Variants in PRB4 observed in about 807,000 individuals in gnomAD.
PRB4 encodes basic salivary proline-rich protein 4.
Under a neutral mutation model 9.1 loss-of-function variants are expected in PRB4, and 14 were observed. That is an observed-to-expected ratio of 1.54 (90% CI 1.02 to 2.41). The LOEUF (loss-of-function observed/expected upper bound fraction) is 2.41, where lower values mean the gene tolerates loss of function less well. PRB4 is among the 30% of genes most tolerant of loss of function. The pLI, the probability that PRB4 is intolerant of heterozygous loss-of-function variation, is 0.00. For synonymous variants in PRB4, 102 were observed against 108.5 expected, an observed-to-expected ratio of 0.94 and a Z score of 0.37; for missense variants, 381 against 299.3, an observed-to-expected ratio of 1.27 and a Z score of -2.02.
Position 11,308,299 on chromosome 12 carries a change from A to T in PRB4, c.684T>A (p.Pro228=). The change falls in exon 3 of 4, where the codon CCT becomes CCA. Residue 228 remains proline, a synonymous_variant. Transcript: ENST00000279575. ...APPAGKPQGP[P]PPPQGGRPPR... ...GTGGCCTGCCCCCTTGAGGAGGTGG[A>T]GGTGGCCCCTGGGGCTTTCCAGCAG... 1.2e-6 allele frequency: 2 copies of T among 1,609,508 alleles called. No homozygotes were observed. Among genetic ancestry groups the T allele is most frequent in the Admixed American group, 3.4e-5 (2 of 59,564 alleles).
Position 11,308,586 on chromosome 12 carries a change from G to A in PRB4, c.397C>T (p.Arg133Cys), listed in dbSNP as rs12369219. The A allele has an allele frequency of 9.0e-7, 1 of 1,110,862 alleles. No individual in the cohort carries two copies. The highest frequency in any genetic ancestry group is 1.1e-6 in the Non-Finnish European group (1 of 883,594). The allele number at this position is 1,110,862 out of a possible 1,614,324, so 68.8% of individuals were successfully genotyped here. A position where few individuals can be genotyped will look rare whatever the true frequency, so the allele number is the denominator to read the frequency against. Residue 133 changes from arginine to cysteine, a missense_variant, in exon 3 of 4, where the codon CGT becomes TGT. Arg to Cys is a radical substitution (Grantham distance 180). Around this residue, in one of 3 missense-constraint regions of PRB4, gnomAD observed 26 missense variants for 59.1 expected, o/e 0.44. Coordinates refer to ENST00000279575, the MANE Select transcript of PRB4 (RefSeq NM_002723.6). ...PPPQGGNQSH[R>C]PPPPPGKPER... Reference sequence around the variant, plus strand: ...GGCTTTCCTGGAGGAGGTGGGGGACGGTGGGACTGGTTGCCTCCTTGTGGG... The same window carrying A: ...GGCTTTCCTGGAGGAGGTGGGGGACAGTGGGACTGGTTGCCTCCTTGTGGG...
intron 3 of PRB4, 89 bp downstream of exon 3, chr12:11,308,132 G>T: frequency 6.9e-7 from 1 of 1,443,752 alleles, no homozygotes; most frequent in Non-Finnish European, 9.5e-7. Context: ...ACAATACAAT[G>T]TCAATGGGTT....
In PRB4 at chr12:11,308,991, CT is replaced by C. The variant is rs1565780448; in HGVS notation, c.101-110del. ...AAAAATGAGACCCAGATACTAATTT[CT>C]TTGCATTTTCAGTGAAGCCCTAGAA... is the stretch of plus-strand genomic sequence containing the variant. On this transcript the variant is annotated intron_variant, in intron 2 of 3. Transcript: ENST00000279575. The C allele has an allele frequency of 2.1e-5, 31 of 1,494,238 alleles. No individual in the cohort carries two copies. In the South Asian group the frequency reaches 3.1e-4, roughly 15 times the overall value. The allele number at this position is 1,494,238 out of a possible 1,614,324, so 92.6% of individuals were successfully genotyped here. A position where few individuals can be genotyped will look rare whatever the true frequency, so the allele number is the denominator to read the frequency against.
rs1592188771 is a variant in PRB4 at position 11,308,512 on chromosome 12, A to G, written c.471T>C (p.Pro157=). The G allele has an allele frequency of 1.3e-6, 2 of 1,585,644 alleles. No homozygotes were observed. The highest frequency in any genetic ancestry group is 1.4e-5 in the African/African-American group (1 of 69,638). ...QGGNQSQGPP[P]HPGKPEGPPP... ...GTGGTCCTTCTGGCTTTCCTGGATG[A>G]GGTGGGGGACCTTGGGACTGGTTAC... Residue 157 remains proline (P), a synonymous_variant, in exon 3 of 4, where the codon CCT becomes CCC. Coordinates refer to ENST00000279575, the MANE Select transcript of PRB4 (RefSeq NM_002723.6).
intron 3 of PRB4, 83 bp downstream of exon 3, chr12:11,308,138 G>A: frequency 6.9e-7 from 1 of 1,458,918 alleles, no homozygotes; most frequent in Non-Finnish European, 9.4e-7. Flanking sequence ...CAATGTCAAT[G>A]GGTTTTAGTT....
chr12:11,307,297 C>T (rs1427751), intron 3 of PRB4, 98 bp from the exon 4 acceptor site: 119,275 of 152,624 alleles, frequency 0.78, 47,088 homozygotes, highest in Non-Finnish European at 0.83. Context: ...AGAGAAAAGA[C>T]CATCCTTAGG....
rs151236237 is a variant in PRB4 at position 11,308,852 on chromosome 12, C to G, written c.131G>C (p.Gly44Ala). Residue 44 changes from glycine (G) to alanine (A), a missense_variant, in exon 3 of 4, where the codon GGA becomes GCA. Coordinates refer to ENST00000279575, the MANE Select transcript of PRB4 (RefSeq NM_002723.6). ...AGGTGGGGGACGTTGGGGCTGGTTT[C>G]CTCCTTGTGGGCGTCGTCCTTCTGG... ...GKPEGRRPQG[G>A]NQPQRPPPPP... is the part of the protein sequence containing the mutation. 2.4e-4 allele frequency: 379 copies of G among 1,592,530 alleles called. 2 individuals are homozygous for G. The African/African-American group carries it at 4.7e-3, about 20-fold the overall frequency.
intron 1 of PRB4, 138 bp from the exon 2 acceptor site, chr12:11,309,543 G>C (rs1293466861): frequency 1.5e-5 from 23 of 1,527,150 alleles, no homozygotes; most frequent in East Asian, 1.4e-4. Flanking sequence ...ATCTGTGAAG[G>C]TGCTGGAAGG....
At chr12:11,309,346 G>T (rs759256627) in intron 2 of PRB4, 24 bp downstream of exon 2, 7 of 1,613,990 alleles carry the variant, frequency 4.3e-6, no homozygotes, top group African/African-American at 1.3e-5. Context: ...AGTCAAAACA[G>T]ATTGAGAATG....
chr12:11,310,144 T>C (rs1863018996), intron 1 of PRB4, among the ~76,000 whole-genome samples, 191 bp downstream of exon 1: 1 of 152,252 alleles, frequency 6.6e-6, no homozygotes, highest in African/African-American at 2.4e-5. Context: ...AAATTCGTTA[T>C]TGGATTTCAT....
chr12:11,308,977 C>T (rs1472258418), intron 2 of PRB4, 95 bp from the exon 3 acceptor site: 3 of 1,525,176 alleles, frequency 2.0e-6, no homozygotes, highest in African/African-American at 2.7e-5. Context: ...AAAATGAGAC[C>T]CAGATACTAA....
In PRB4 at chr12:11,309,362, G is replaced by A. The variant is rs987102909; in HGVS notation, c.100+8C>T. On this transcript the variant is annotated splice_region_variant and intron_variant, in intron 2 of 3. Transcript: ENST00000279575. The stretch of plus-strand genomic sequence containing the variant: ...GTCAAAACAGATTGAGAATGAATTG[G>A]GATTTACCTGATATTAGGAAGAGAG... 2.5e-6 allele frequency: 4 copies of A among 1,613,984 alleles called. No individual in the cohort carries two copies. In the Admixed American group the frequency reaches 5.0e-5, roughly 20 times the overall value.
At position 11,309,388 on chromosome 12, in the gene PRB4, A is replaced by G; in HGVS notation, c.82T>C (p.Ser28Pro). The change falls in exon 2 of 4, where the codon TCT (serine) becomes CCT (proline). Residue 28 changes from serine to proline, a missense_variant. Physicochemically the swap from Ser to Pro is moderately conservative, Grantham distance 74 (BLOSUM62 -1). Transcript: ENST00000279575. Reference protein sequence around the residue: ...SSSEDVSQEESLFLISGKPEG... With the variant: ...SSSEDVSQEEPLFLISGKPEG... ...GATTTACCTGATATTAGGAAGAGAG[A>G]TTCTTCCTGGCTGACATCTAGAAGA... is the stretch of plus-strand genomic sequence containing the variant. The G allele has an allele frequency of 1.2e-6, 2 of 1,614,146 alleles. No individual in the cohort carries two copies. The highest frequency in any genetic ancestry group is 1.3e-5 in the African/African-American group (1 of 75,044).
At chr12:11,310,299 A>T (rs778199290) in intron 1 of PRB4, 36 bp downstream of exon 1, 1 of 1,612,908 alleles carries the variant, frequency 6.2e-7, no homozygotes, top group Non-Finnish European at 8.5e-7. Context: ...CCTAAGTCCC[A>T]AGCAGTCACC....
intron 3 of PRB4, 64 bp downstream of exon 3, chr12:11,308,157 G>T (rs978350293): frequency 1.3e-5 from 20 of 1,524,032 alleles, no homozygotes; most frequent in Non-Finnish European, 1.7e-5. Context: ...TTGATTCATT[G>T]GCACAATAAA....
rs1398322084 is a variant in PRB4, at chr12:11,308,387, G to A, written c.596C>T (p.Pro199Leu). Residue 199 changes from proline to leucine, a missense_variant, in exon 3 of 4, where the codon CCT (proline) becomes CTT (leucine). Pro to Leu is a moderately conservative substitution (Grantham distance 98). This residue lies in a region of PRB4 where 204 missense variants were observed against 134.4 expected (regional missense o/e 1.52). Transcript: ENST00000279575. Reference sequence around the variant, plus strand: ...GGGTGGGCCTTGTGGCTTTCCAGGAGGTGGGGGACCTTGAGGCTTGTTGCC... The same window carrying A: ...GGGTGGGCCTTGTGGCTTTCCAGGAAGTGGGGGACCTTGAGGCTTGTTGCC... ...QEGNKPQGPPPPGKPQGPPPA... is the reference protein window; with the variant it reads ...QEGNKPQGPPLPGKPQGPPPA... 4 of 1,603,450 alleles carry A rather than the reference G, an allele frequency of 2.5e-6. No individual in the cohort carries two copies. Among genetic ancestry groups the A allele is most frequent in the African/African-American group, 1.3e-5 (1 of 74,668 alleles).
rs146939904 is a variant in PRB4, at chr12:11,308,368, G to A, written c.615C>T (p.Gly205=). The A allele has an allele frequency of 6.8e-6, 11 of 1,606,240 alleles. No individual in the cohort carries two copies. Among genetic ancestry groups the A allele is most frequent in the Admixed American group, 1.7e-5 (1 of 59,702 alleles). ...QGPPPPGKPQ[G]PPPAGGNPQQ... is the part of the protein sequence containing the mutation. The stretch of plus-strand genomic sequence containing the variant: ...GGGGATTGCCTCCTGCTGGGGGTGG[G>A]CCTTGTGGCTTTCCAGGAGGTGGGG... The change falls in exon 3 of 4, where the codon GGC becomes GGT. Residue 205 remains glycine (G), a synonymous_variant. Transcript: ENST00000279575.
chr12:11,308,121 G>T, intron 3 of PRB4, 100 bp downstream of exon 3: 3 of 1,384,734 alleles, frequency 2.2e-6, no homozygotes, highest in African/African-American at 1.4e-5. Flanking sequence ...TGGGTTCTAG[G>T]ACAATACAAT....
Position 11,309,728 on chromosome 12 carries a change from C to T in PRB4, c.65-323G>A, listed in dbSNP as rs143086376. Among the ~76,000 whole-genome samples, 43 of 152,316 alleles carry T rather than the reference C, an allele frequency of 2.8e-4. 1 individual carries two copies. In the East Asian group the frequency reaches 7.3e-3, roughly 26 times the overall value. ...TTTGGTGTTCTTATGCCCTCCATCTCCTGTTAATATATTGCATACATACAC... is the reference window on the plus strand; with the variant it reads ...TTTGGTGTTCTTATGCCCTCCATCTTCTGTTAATATATTGCATACATACAC... On this transcript the variant is annotated intron_variant, in intron 1 of 3. Coordinates refer to ENST00000279575, the MANE Select transcript of PRB4 (RefSeq NM_002723.6).
Sources: gnomAD v4.1 joint callset for allele counts (sites outside exome capture counted in the v4.1 genomes callset) on GRCh38, gnomAD v4.1.1 for gene constraint, gnomAD v4.1.1 regional missense constraint, MANE v1.5 for transcripts, NCBI Gene and HGNC (gene_info 2026-07-23, HGNC 2026-07-21) for gene names.